The following RAB30 variants were observed in gnomAD, a reference collection of about 807,000 sequenced individuals.
RAB30 encodes the protein RAB30, member RAS oncogene family, also known as ras-related protein Rab-30.
In RAB30, 9 loss-of-function variants were observed where a neutral mutation model predicts 25.1. That is an observed-to-expected ratio of 0.36 (90% CI 0.22 to 0.63). RAB30 has a LOEUF of 0.63. RAB30 is among the 20% of genes least tolerant of loss of function. RAB30 has a pLI of 0.69. For missense variants in RAB30, 140 were observed against 243.5 expected (o/e 0.58, Z 2.83); for synonymous variants, 77 against 86.4 (o/e 0.89, Z 0.60).
At chr11:83,011,855 T>C (rs1857310871) in intron 1 of RAB30, among the ~76,000 whole-genome samples, 1 of 152,132 alleles carries the variant, frequency 6.6e-6, no homozygotes. Context: ...CCTTCTTCCA[T>C]TCTGCTGCCA....
chr11:83,039,202 C>A (rs1055732837), intron 1 of RAB30: 2 of 152,192 alleles, frequency 1.3e-5, no homozygotes, highest in African/African-American at 4.8e-5. Context: ...AAATAAATAA[C>A]TGAATGAATG....
chr11:82,991,247 G>A, intron 3 of RAB30, among the ~76,000 whole-genome samples: 1 of 152,170 alleles, frequency 6.6e-6, no homozygotes. Context: ...TCTCATGCCT[G>A]TAATCCCAGC....
chr11:82,985,660 T>TA (rs370537766), intron 4 of RAB30, among the ~76,000 whole-genome samples: 3 of 144,762 alleles, frequency 2.1e-5, no homozygotes, highest in African/African-American at 7.6e-5. Flanking sequence ...GGAAACTTCA[T>TA]AAAAAAGGAT....
chr11:83,056,488 G>A (rs1858461673), intron 1 of RAB30, among the ~76,000 whole-genome samples: 1 of 152,148 alleles, frequency 6.6e-6, no homozygotes, highest in Non-Finnish European at 1.5e-5. Flanking sequence ...CTAGGTGAAC[G>A]CCTTAATCAT....
chr11:82,977,304 C>T lies in RAB30; in HGVS notation c.*4861G>A, dbSNP rs1856561871. 1 of 152,126 alleles carries T rather than the reference C, an allele frequency of 6.6e-6. No individual in the cohort carries two copies. Among genetic ancestry groups the T allele is most frequent in the Non-Finnish European group, 1.5e-5 (1 of 68,022 alleles). 9.4% of individuals were successfully genotyped at this position (152,126 alleles called of 1,614,324 possible). A position where few individuals can be genotyped will look rare whatever the true frequency, so the allele number is the denominator to read the frequency against. ...CTAACAACGTGCAACCAACCTCTTC[C>T]CTGAAAGATAAAGGTGGGATGCACT... is the stretch of plus-strand genomic sequence containing the variant. On this transcript the variant is annotated 3_prime_UTR_variant, in exon 5 of 5. Transcript: ENST00000527633.
intron 1 of RAB30, among the ~76,000 whole-genome samples, chr11:83,003,953 G>A (rs1029605011): frequency 6.6e-6 from 1 of 152,204 alleles, no homozygotes; most frequent in Non-Finnish European, 1.5e-5. Flanking sequence ...AGTGGGGGAT[G>A]TAGAGGATAG....
intron 4 of RAB30, 125 bp downstream of exon 4, chr11:82,987,462 G>A: frequency 1.1e-6 from 1 of 940,506 alleles, no homozygotes. Flanking sequence ...AAGAACTGAA[G>A]GTTGACTGCA....
At chr11:83,070,769 G>A (rs1858821260) in intron 1 of RAB30, among the ~76,000 whole-genome samples, 1 of 152,154 alleles carries the variant, frequency 6.6e-6, no homozygotes, top group African/African-American at 2.4e-5. Flanking sequence ...TCTTCCATGG[G>A]CACCTTTCAG....
chr11:83,030,592 G>A (rs1857833370), intron 1 of RAB30, among the ~76,000 whole-genome samples: 1 of 152,074 alleles, frequency 6.6e-6, no homozygotes. Context: ...GAGGCTAGGA[G>A]TTCGAAACTA....
chr11:82,999,051 T>A (rs1857019528), intron 1 of RAB30, among the ~76,000 whole-genome samples: 1 of 152,274 alleles, frequency 6.6e-6, no homozygotes, highest in East Asian at 1.9e-4. Flanking sequence ...CAAGCCAACA[T>A]GTAGGTAGCT....
At chr11:83,064,668 C>A (rs913626658) in intron 1 of RAB30, among the ~76,000 whole-genome samples, 1 of 152,184 alleles carries the variant, frequency 6.6e-6, no homozygotes, top group African/African-American at 2.4e-5. Flanking sequence ...CCAGGAAAAT[C>A]ACTACCTCCT....
chr11:83,042,498 G>A (rs1487365006), intron 1 of RAB30, among the ~76,000 whole-genome samples: 1 of 151,996 alleles, frequency 6.6e-6, no homozygotes, highest in Non-Finnish European at 1.5e-5. Context: ...AGGTTGCAGT[G>A]AGCCAAGATG....
chr11:83,022,260 G>C (rs144472126), intron 1 of RAB30, among the ~76,000 whole-genome samples: 1,532 of 152,236 alleles, frequency 0.01, 17 homozygotes, highest in Middle Eastern at 0.044. Context: ...GCCAGGCTCA[G>C]GTGATTGTCC....
intron 3 of RAB30, among the ~76,000 whole-genome samples, chr11:82,990,855 T>C (rs905190719): frequency 1.5e-4 from 23 of 152,332 alleles, no homozygotes; most frequent in African/African-American, 5.1e-4. Flanking sequence ...GTTTTAATTA[T>C]ATTTTCTACC....
rs1856646347 is a variant in RAB30, at chr11:82,981,994, C to T, written c.*171G>A. ...AAGGGTGAAACCATTATATGTTCTG[C>T]TAATGCTGGCCTGTGGTCGAGGCCC... On this transcript the variant is annotated 3_prime_UTR_variant, in exon 5 of 5. Coordinates refer to ENST00000527633, the MANE Select transcript of RAB30 (RefSeq NM_001286060.2). 1.2e-6 allele frequency: 1 copy of T among 820,486 alleles called. No individual in the cohort carries two copies. The highest frequency in any genetic ancestry group is 1.7e-5 in the African/African-American group (1 of 58,246). 50.8% of individuals were successfully genotyped at this position (820,486 alleles called of 1,614,324 possible). A position where few individuals can be genotyped will look rare whatever the true frequency, so the allele number is the denominator to read the frequency against.
intron 1 of RAB30, among the ~76,000 whole-genome samples, chr11:83,017,716 T>A (rs1016691777): frequency 6.6e-6 from 1 of 152,238 alleles, no homozygotes; most frequent in Non-Finnish European, 1.5e-5. Context: ...ATTTCATTGC[T>A]TTTTATGACT....
intron 1 of RAB30, among the ~76,000 whole-genome samples, chr11:83,053,360 T>C (rs1392916144): frequency 2.0e-5 from 3 of 152,222 alleles, no homozygotes; most frequent in Non-Finnish European, 2.9e-5. Flanking sequence ...AGCTGCTCAA[T>C]TAATGGTTAG....
At chr11:82,986,988 G>A (rs769519965) in intron 4 of RAB30, 2 of 146,528 alleles carry the variant, frequency 1.4e-5, no homozygotes, top group Non-Finnish European at 2.9e-5. Context: ...ACTACAAACA[G>A]AGAAGTTTTT....
At chr11:83,061,232 CTT>C (rs1858568638) in intron 1 of RAB30, among the ~76,000 whole-genome samples, 1 of 152,122 alleles carries the variant, frequency 6.6e-6, no homozygotes, top group South Asian at 2.1e-4. Flanking sequence ...CTCTCTCTCT[CTT>C]TCTCCCTCTC....
Sources: allele counts gnomAD v4.1 joint callset (sites outside exome capture counted in the v4.1 genomes callset), GRCh38; gene constraint gnomAD v4.1.1; transcripts MANE v1.5; gene names NCBI Gene and HGNC (gene_info 2026-07-23, HGNC 2026-07-21).